The following SMYD3 variants were observed in gnomAD, a reference collection of about 807,000 sequenced individuals.
SMYD3 encodes histone-lysine N-methyltransferase SMYD3.
Under a neutral mutation model 57.7 loss-of-function variants are expected in SMYD3, and 36 were observed. The ratio of observed to expected loss-of-function variants is 0.62; its 90% CI spans 0.48 to 0.82. The LOEUF (loss-of-function observed/expected upper bound fraction) is 0.82. SMYD3 is among the 40% of genes least tolerant of loss of function. The pLI is 0.00. For missense variants in SMYD3, 515 were observed against 538.8 expected, an observed-to-expected ratio of 0.96 and a Z score of 0.44; for synonymous variants, 211 against 195.0, an observed-to-expected ratio of 1.08 and a Z score of -0.68.
chr1:246,003,514 T>G (rs1443712485), intron 5 of SMYD3, among the ~76,000 whole-genome samples: 6 of 152,234 alleles, frequency 3.9e-5, no homozygotes, highest in East Asian at 1.9e-4. Context: ...GTAGAGTAAC[T>G]TTACAATCCA....
intron 5 of SMYD3, among the ~76,000 whole-genome samples, chr1:245,945,776 C>T (rs570378316): frequency 2.0e-5 from 3 of 152,276 alleles, no homozygotes; most frequent in South Asian, 4.2e-4. Context: ...GAATACTACA[C>T]AGTAATAAAA....
chr1:245,984,672 C>A (rs979669423), intron 5 of SMYD3, among the ~76,000 whole-genome samples: 1 of 152,242 alleles, frequency 6.6e-6, no homozygotes, highest in Non-Finnish European at 1.5e-5. Flanking sequence ...CCAGAGCAGA[C>A]TCTGAGAACA....
intron 10 of SMYD3, among the ~76,000 whole-genome samples, chr1:245,821,934 T>A (rs2049182689): frequency 6.6e-6 from 1 of 151,376 alleles, no homozygotes; most frequent in Non-Finnish European, 1.5e-5. Flanking sequence ...TAGGAACACT[T>A]TTACACTGTT....
At chr1:245,838,102 C>T (rs970645596) in intron 10 of SMYD3, among the ~76,000 whole-genome samples, 1 of 152,226 alleles carries the variant, frequency 6.6e-6, no homozygotes, top group Non-Finnish European at 1.5e-5. Flanking sequence ...TTAAAAGTGT[C>T]ATCCAGAAAC....
intron 5 of SMYD3, among the ~76,000 whole-genome samples, chr1:246,293,902 A>G (rs2064744018): frequency 6.6e-6 from 1 of 152,148 alleles, no homozygotes; most frequent in Non-Finnish European, 1.5e-5. Context: ...ATTCCCTATT[A>G]TTGAACTCAA....
chr1:246,099,513 T>C (rs1157982748), intron 5 of SMYD3, among the ~76,000 whole-genome samples: 2 of 152,122 alleles, frequency 1.3e-5, no homozygotes, highest in Admixed American at 1.3e-4. Flanking sequence ...TTGGTCCCAA[T>C]GGGGCTAAGA....
intron 10 of SMYD3, among the ~76,000 whole-genome samples, chr1:245,800,591 C>T (rs1470707932): frequency 2.0e-5 from 3 of 152,104 alleles, no homozygotes; most frequent in Non-Finnish European, 2.9e-5. Flanking sequence ...GATGTCCCTA[C>T]GTAAATAAGC....
chr1:246,250,679 A>T (rs575111745), intron 5 of SMYD3, among the ~76,000 whole-genome samples: 38 of 152,338 alleles, frequency 2.5e-4, no homozygotes, highest in African/African-American at 8.7e-4. Flanking sequence ...ACTCTATCAA[A>T]CAAAACAAGA....
chr1:245,963,444 A>AC (rs953819735), intron 5 of SMYD3, among the ~76,000 whole-genome samples: 18 of 152,238 alleles, frequency 1.2e-4, no homozygotes, highest in African/African-American at 4.3e-4. Context: ...TACTCGACAT[A>AC]CTGCTGGGGG....
intron 1 of SMYD3, among the ~76,000 whole-genome samples, chr1:246,443,488 T>C (rs771706306): frequency 3.9e-5 from 6 of 152,264 alleles, no homozygotes; most frequent in Non-Finnish European, 8.8e-5. Flanking sequence ...ATTAATGTAA[T>C]GAAAGTTATT....
At chr1:245,999,879 C>G (rs940815546) in intron 5 of SMYD3, among the ~76,000 whole-genome samples, 5 of 152,206 alleles carry the variant, frequency 3.3e-5, no homozygotes, top group African/African-American at 9.6e-5. Flanking sequence ...CAATGACTTA[C>G]TTTGCTTACT....
intron 10 of SMYD3, among the ~76,000 whole-genome samples, chr1:245,799,735 G>T (rs1005836257): frequency 1.3e-5 from 2 of 152,202 alleles, no homozygotes; most frequent in African/African-American, 4.8e-5. Flanking sequence ...ATCTGCTAAT[G>T]AATCAGTGAG....
intron 1 of SMYD3, among the ~76,000 whole-genome samples, chr1:246,494,133 T>C (rs1456025010): frequency 6.6e-6 from 1 of 152,124 alleles, no homozygotes; most frequent in African/African-American, 2.4e-5. Context: ...AGCCCAAAAA[T>C]CTCTATGGGC....
At chr1:245,954,990 G>T (rs547854063) in intron 5 of SMYD3, among the ~76,000 whole-genome samples, 1 of 152,112 alleles carries the variant, frequency 6.6e-6, no homozygotes, top group African/African-American at 2.4e-5. Flanking sequence ...GACATCAAAC[G>T]CCCCCTATAA....
At chr1:245,996,090 G>C (rs1157172292) in intron 5 of SMYD3, among the ~76,000 whole-genome samples, 1 of 152,156 alleles carries the variant, frequency 6.6e-6, no homozygotes, top group Non-Finnish European at 1.5e-5. Flanking sequence ...AGTTAACAAC[G>C]AATGCCCAAT....
chr1:245,831,430 G>A (rs530798172), intron 10 of SMYD3, among the ~76,000 whole-genome samples: 37 of 152,184 alleles, frequency 2.4e-4, no homozygotes, highest in Non-Finnish European at 4.7e-4. Flanking sequence ...GGGTAAACCA[G>A]GTACCTGGGT....
chr1:245,770,825 G>T (rs1230954917), intron 10 of SMYD3, among the ~76,000 whole-genome samples: 1 of 152,100 alleles, frequency 6.6e-6, no homozygotes, highest in Non-Finnish European at 1.5e-5. Flanking sequence ...GGAAATTTTA[G>T]AACTGAAAAA....
chr1:246,351,767 T>G (rs899478761), intron 2 of SMYD3, among the ~76,000 whole-genome samples: 11 of 152,168 alleles, frequency 7.2e-5, no homozygotes, highest in African/African-American at 2.7e-4. Context: ...GGGGAAAGAC[T>G]TTTATGTTTT....
chr1:246,330,685 A>C lies in SMYD3; in HGVS notation c.337-148T>G, dbSNP rs1056387437. The C allele has an allele frequency of 2.7e-5, 14 of 525,450 alleles. No individual in the cohort carries two copies. The Admixed American group carries it at 5.4e-4, about 20-fold the overall frequency. 32.5% of individuals were successfully genotyped at this position (525,450 alleles called of 1,614,324 possible). Reference sequence around the variant, plus strand: ...TCTTTCTATTCATCACTCTCATTAGACTGAATTAATCAACAACTTTAAAAT... The same window carrying C: ...TCTTTCTATTCATCACTCTCATTAGCCTGAATTAATCAACAACTTTAAAAT... On this transcript the variant is annotated intron_variant, in intron 3 of 11. Transcript: ENST00000490107.
Sources: gnomAD v4.1 joint callset for allele counts (sites outside exome capture counted in the v4.1 genomes callset) on GRCh38, gnomAD v4.1.1 for gene constraint, MANE v1.5 for transcripts, NCBI Gene and HGNC (gene_info 2026-07-23, HGNC 2026-07-21) for gene names.